The following HSPA9 variants were observed in gnomAD, a reference collection of about 807,000 sequenced individuals.
HSPA9 encodes stress-70 protein, mitochondrial.
Under a neutral mutation model 81.5 loss-of-function variants are expected in HSPA9, and 28 were observed. That is an observed-to-expected ratio of 0.34 (90% CI 0.25 to 0.47). The LOEUF is 0.47. HSPA9 is among the 20% of genes least tolerant of loss of function. The pLI, the probability that HSPA9 is intolerant of heterozygous loss-of-function variation, is 1.00. For synonymous variants in HSPA9, 293 were observed against 290.4 expected (o/e 1.01, Z -0.09); for missense variants, 678 against 838.0 (o/e 0.81, Z 2.36).
chr5:138,575,180 AGCCCGAG>A (rs951933782), intron 1 of HSPA9, 51 bp downstream of exon 1: 9 of 1,234,758 alleles, frequency 7.3e-6, no homozygotes, highest in East Asian at 2.4e-5. Flanking sequence ...GCCGCAGCGA[AGCCCGAG>A]GCCCAAGGCC....
intron 11 of HSPA9, chr5:138,558,899 A>G (rs1463988340): frequency 6.7e-6 from 3 of 449,212 alleles, no homozygotes; most frequent in Non-Finnish European, 1.2e-5. Context: ...TTAGGACAGA[A>G]GTCCTCAAAA....
intron 2 of HSPA9, 21 bp from the exon 3 acceptor site, chr5:138,573,871 T>C: frequency 1.9e-6 from 3 of 1,577,050 alleles, no homozygotes; most frequent in Middle Eastern, 1.7e-4. Context: ...TTTAGAACAG[T>C]GTCACAGCTA....
chr5:138,574,322 C>A (rs898649712), intron 1 of HSPA9, among the ~76,000 whole-genome samples, 196 bp from the exon 2 acceptor site: 1 of 152,102 alleles, frequency 6.6e-6, no homozygotes, highest in Non-Finnish European at 1.5e-5. Context: ...ATTTCTCAAC[C>A]GTGGCGCTAT....
chr5:138,565,526 G>A (rs150677002), intron 9 of HSPA9, among the ~76,000 whole-genome samples: 469 of 152,184 alleles, frequency 3.1e-3, no homozygotes, highest in Non-Finnish European at 5.1e-3. Context: ...AAATAGATCT[G>A]CTGCTTTCTA....
chr5:138,567,749 G>C, intron 5 of HSPA9, 27 bp from the exon 6 acceptor site: 1 of 1,545,990 alleles, frequency 6.5e-7, no homozygotes, highest in Non-Finnish European at 8.9e-7. Context: ...TTCAATCATG[G>C]AATTCTGTCA....
Position 138,566,767 on chromosome 5 carries a change from T to C in HSPA9, c.880-49A>G, listed in dbSNP as rs777319040. ...CCAAACACCAGCATTAGTGAGGTGA[T>C]AAATAAACTGCAGTAATAAGGTGGA... is the stretch of plus-strand genomic sequence containing the variant. On this transcript the variant is annotated intron_variant, in intron 8 of 16. Coordinates refer to ENST00000297185, the MANE Select transcript of HSPA9 (RefSeq NM_004134.7). The C allele has an allele frequency of 2.2e-6, 3 of 1,376,548 alleles. No individual in the cohort carries two copies. The South Asian group carries it at 3.5e-5, about 16-fold the overall frequency. 85.3% of individuals were successfully genotyped at this position (1,376,548 alleles called of 1,614,324 possible). A position where few individuals can be genotyped will look rare whatever the true frequency, so the allele number is the denominator to read the frequency against.
chr5:138,557,307 G>T, intron 14 of HSPA9, 95 bp downstream of exon 14: 1 of 856,734 alleles, frequency 1.2e-6, no homozygotes, highest in Non-Finnish European at 2.0e-6. Context: ...ACAGTGCTGG[G>T]ATTACAGGAG....
chr5:138,566,321 C>T (rs1012612427), intron 9 of HSPA9, among the ~76,000 whole-genome samples: 1 of 151,552 alleles, frequency 6.6e-6, no homozygotes, highest in Non-Finnish European at 1.5e-5. Context: ...ACTGCCAGAG[C>T]AGGTTTTAAA....
At chr5:138,564,745 T>C (rs41295729) in intron 9 of HSPA9, among the ~76,000 whole-genome samples, 216 of 151,276 alleles carry the variant, frequency 1.4e-3, no homozygotes, top group African/African-American at 4.8e-3. Context: ...GTATTCACAA[T>C]TTCCTATGTT....
At chr5:138,572,173 T>TC (rs1310625206) in intron 3 of HSPA9, among the ~76,000 whole-genome samples, 1 of 151,886 alleles carries the variant, frequency 6.6e-6, no homozygotes, top group Admixed American at 6.6e-5. Flanking sequence ...GATCTTCAAC[T>TC]CCCACACTCA....
intron 3 of HSPA9, among the ~76,000 whole-genome samples, chr5:138,571,960 CTTTTTT>C: frequency 1.0e-5 from 1 of 100,446 alleles, no homozygotes; most frequent in East Asian, 2.9e-4. Flanking sequence ...CTGCGCCTGG[CTTTTTT>C]TTTTTTTTTT....
chr5:138,559,622 G>A (rs1750609734), intron 11 of HSPA9: 1 of 480,396 alleles, frequency 2.1e-6, no homozygotes, highest in East Asian at 4.0e-5. Context: ...TCCTGTGGAG[G>A]AGACTACTGA....
Position 138,571,150 on chromosome 5 carries a change from C to A in HSPA9, c.229-9G>T. On this transcript the variant is annotated splice_polypyrimidine_tract_variant and intron_variant, in intron 3 of 16. Transcript: ENST00000297185. ...TCGGCATTCTCCAGCACCTAAACTC[C>A]CAAAATGTGATAGAGAGTAAGTTTG... 6.2e-7 allele frequency: 1 copy of A among 1,612,936 alleles called. No individual in the cohort carries two copies. The highest frequency in any genetic ancestry group is 8.5e-7 in the Non-Finnish European group (1 of 1,179,756).
chr5:138,559,661 T>C, intron 11 of HSPA9: 1 of 563,314 alleles, frequency 1.8e-6, no homozygotes, highest in Non-Finnish European at 3.2e-6. Flanking sequence ...CACTACCAGC[T>C]AACATGTAAG....
At chr5:138,561,870 A>G (rs1750667569) in intron 9 of HSPA9, 81 bp from the exon 10 acceptor site, 2 of 1,085,512 alleles carry the variant, frequency 1.8e-6, no homozygotes, top group African/African-American at 3.1e-5. Context: ...AAATATGACC[A>G]TGCCCTAGGA....
chr5:138,574,044 C>T (rs779216775), intron 2 of HSPA9, 24 bp downstream of exon 2: 3 of 1,583,912 alleles, frequency 1.9e-6, no homozygotes, highest in South Asian at 2.2e-5. Context: ...TATTCCCTCT[C>T]AAAGGAAATG....
chr5:138,567,147 A>G lies in HSPA9; in HGVS notation c.733T>C (p.Leu245=). 1 of 1,612,476 alleles carries G rather than the reference A, an allele frequency of 6.2e-7. No individual in the cohort carries two copies. Among genetic ancestry groups the G allele is most frequent in the Non-Finnish European group, 8.5e-7 (1 of 1,179,140 alleles). Residue 245 remains leucine (L), a synonymous_variant, in exon 8 of 17, where the codon TTA becomes CTA. Transcript: ENST00000297185. The part of the protein sequence containing the change: ...SEDKVIAVYD[L]GGGTFDISIL... Reference sequence around the variant, plus strand: ...GAAATATCAAAAGTTCCACCACCTAAATCATATACAGCAATGCTGTAAATG... The same window carrying G: ...GAAATATCAAAAGTTCCACCACCTAGATCATATACAGCAATGCTGTAAATG...
In HSPA9 at chr5:138,560,046, C is replaced by T; in HGVS notation, c.1228G>A (p.Ala410Thr). The T allele has an allele frequency of 6.2e-7, 1 of 1,614,168 alleles. No homozygotes were observed. The highest frequency in any genetic ancestry group is 8.5e-7 in the Non-Finnish European group (1 of 1,180,024). ...QDLFGRAPSK[A>T]VNPDEAVAIG... ...GCCACAGCCTCATCAGGATTGACAG[C>T]TTTACTTGGGGCTCTGCCAAAAAGA... Residue 410 changes from alanine to threonine, a missense_variant, in exon 11 of 17, where the codon GCT (alanine) becomes ACT (threonine). This residue lies in a region of HSPA9 where 484 missense variants were observed against 647.5 expected (regional missense o/e 0.75). Coordinates refer to ENST00000297185, the MANE Select transcript of HSPA9 (RefSeq NM_004134.7).
At position 138,557,504 on chromosome 5, in the gene HSPA9, A is replaced by C; in HGVS notation, c.1634-8T>G. On this transcript the variant is annotated splice_region_variant and splice_polypyrimidine_tract_variant and intron_variant, in intron 13 of 16. Transcript: ENST00000297185. ...CAGAAGACTGGATTACAACTGTAGT[A>C]AACAGAAGGCATTTCATTAATTCCC... is the stretch of plus-strand genomic sequence containing the variant. 1 of 1,522,574 alleles carries C rather than the reference A, an allele frequency of 6.6e-7. No homozygotes were observed. The highest frequency in any genetic ancestry group is 9.1e-7 in the Non-Finnish European group (1 of 1,098,290). The allele number at this position is 1,522,574 out of a possible 1,614,324, so 94.3% of individuals were successfully genotyped here. A position where few individuals can be genotyped will look rare whatever the true frequency, so the allele number is the denominator to read the frequency against.
Sources: gnomAD v4.1 joint callset for allele counts (sites outside exome capture counted in the v4.1 genomes callset) on GRCh38, gnomAD v4.1.1 for gene constraint, gnomAD v4.1.1 regional missense constraint, MANE v1.5 for transcripts, NCBI Gene and HGNC (gene_info 2026-07-23, HGNC 2026-07-21) for gene names.